The following KIF13A variants were observed in gnomAD, a reference collection of about 807,000 sequenced individuals.
The protein encoded by KIF13A is kinesin family member 13A, also known as kinesin-like protein KIF13A.
Under a neutral mutation model 212.2 loss-of-function variants are expected in KIF13A, and 79 were observed. That is an observed-to-expected ratio of 0.37 (90% CI 0.31 to 0.45). The LOEUF is 0.45. Ranked by LOEUF, KIF13A falls within the 20% of genes least tolerant of loss-of-function variation. KIF13A has a pLI of 1.00. For synonymous variants in KIF13A, 789 were observed against 808.6 expected (o/e 0.98, Z 0.41); for missense variants, 1,901 against 2,209.0 (o/e 0.86, Z 2.79).
At position 17,918,164 on chromosome 6, in the gene KIF13A, T is replaced by G. The variant is rs1010775453; in HGVS notation, c.147-19984A>C. Among the ~76,000 whole-genome samples the G allele has an allele frequency of 6.6e-6, 1 of 152,078 alleles. No homozygotes were observed. The highest frequency in any genetic ancestry group is 6.6e-5 in the Admixed American group (1 of 15,264). ...CCACACCAGGCACATGGTAAGCACC[T>G]GGCCTGGCTAGAGACACCCATCTCG... On this transcript the variant is annotated intron_variant, in intron 2 of 38. Coordinates refer to ENST00000259711, the MANE Select transcript of KIF13A (RefSeq NM_022113.6). The surrounding 1 kb of genome is among the most constrained non-coding windows in gnomAD (Gnocchi z 4.8).
intron 2 of KIF13A, chr6:17,950,573 A>G (rs1394132110): frequency 2.0e-6 from 2 of 985,098 alleles, no homozygotes; most frequent in Non-Finnish European, 2.4e-6. Context: ...AATGCCCCAC[A>G]GGATTTTAAC....
At chr6:17,932,003 T>C (rs758690713) in intron 2 of KIF13A, among the ~76,000 whole-genome samples, 6 of 152,126 alleles carry the variant, frequency 3.9e-5, no homozygotes, top group Non-Finnish European at 7.4e-5. Flanking sequence ...CAGCATCACC[T>C]GGAAACTCAC....
chr6:17,891,316 G>A (rs75982572), intron 3 of KIF13A, among the ~76,000 whole-genome samples: 8,389 of 152,066 alleles, frequency 0.055, 271 homozygotes, highest in Middle Eastern at 0.085. Context: ...CCAAAGATAT[G>A]GTACAAAGCA....
rs1581730736 is a variant in KIF13A, at chr6:17,919,010, G to A, written c.147-20830C>T. ...CAGTGCCTACAGGGTTGTCAGGCAC[G>A]AAATAGTCACTCAGTAAGTATCTCT... is the stretch of plus-strand genomic sequence containing the variant. On this transcript the variant is annotated intron_variant, in intron 2 of 38. Coordinates refer to ENST00000259711, the MANE Select transcript of KIF13A (RefSeq NM_022113.6). This position sits in a 1 kb window ranked among gnomAD's most constrained non-coding sequence, Gnocchi z 4.1. Among the ~76,000 whole-genome samples, 1 of 152,156 alleles carries A rather than the reference G, an allele frequency of 6.6e-6. No individual in the cohort carries two copies. The highest frequency in any genetic ancestry group is 2.1e-4 in the South Asian group (1 of 4,830).
At position 17,915,534 on chromosome 6, in the gene KIF13A, C is replaced by T. The variant is rs186826013; in HGVS notation, c.147-17354G>A. Among the ~76,000 whole-genome samples, 9 of 152,308 alleles carry T rather than the reference C, an allele frequency of 5.9e-5. No individual in the cohort carries two copies. Among genetic ancestry groups the T allele is most frequent in the Non-Finnish European group, 1.3e-4 (9 of 68,020 alleles). On this transcript the variant is annotated intron_variant, in intron 2 of 38. Transcript: ENST00000259711. This position sits in a 1 kb window ranked among gnomAD's most constrained non-coding sequence, Gnocchi z 4.4. The stretch of plus-strand genomic sequence containing the variant: ...ATGCCAGATGCTTGCAGTTTGACAG[C>T]GTGCAGGACCTGCCACCTTGAGGAC...
intron 20 of KIF13A, among the ~76,000 whole-genome samples, chr6:17,800,710 T>C (rs1399471106): frequency 2.6e-5 from 4 of 151,900 alleles, no homozygotes; most frequent in Non-Finnish European, 5.9e-5. Context: ...AAGCGGTTCT[T>C]CTGCCTCAGC....
At position 17,817,058 on chromosome 6, in the gene KIF13A, C is replaced by T. The variant is rs774461678; in HGVS notation, c.1962G>A (p.Gln654=). 2.5e-6 allele frequency: 4 copies of T among 1,613,364 alleles called. No homozygotes were observed. Among genetic ancestry groups the T allele is most frequent in the Non-Finnish European group, 3.4e-6 (4 of 1,179,838 alleles). The part of the protein sequence containing the change: ...SGPDRLAYSS[Q]TAQQKVTQWA... ...ACTGGGTCACCTTCTGCTGCGCTGT[C>T]TGGCTGCTGTAGGCCAGGCGGTCAG... The change falls in exon 17 of 39, where the codon CAG becomes CAA. Residue 654 remains glutamine (Q), a synonymous_variant. Coordinates refer to ENST00000259711, the MANE Select transcript of KIF13A (RefSeq NM_022113.6).
intron 9 of KIF13A, among the ~76,000 whole-genome samples, chr6:17,847,008 C>T (rs550009235): frequency 3.3e-5 from 5 of 152,310 alleles, no homozygotes; most frequent in East Asian, 1.9e-4. Flanking sequence ...ATGGGGATAA[C>T]GGACCCATGC....
At chr6:17,778,893 AT>A in intron 33 of KIF13A, 53 bp downstream of exon 33, 3 of 1,541,336 alleles carry the variant, frequency 1.9e-6, no homozygotes, top group Non-Finnish European at 2.6e-6. Context: ...ATATCTGTCC[AT>A]TGGGGGTGAA....
In KIF13A at chr6:17,837,013, G is replaced by A; in HGVS notation, c.1020C>T (p.Leu340=). ...CTCGGTCTGCATATCTTAATGTGGAGAGGGTCTCTTCATAGTTGTCTGCGG... is the reference window on the plus strand; with the variant it reads ...CTCGGTCTGCATATCTTAATGTGGAAAGGGTCTCTTCATAGTTGTCTGCGG... The part of the protein sequence containing the change: ...SPAADNYEET[L]STLRYADRAK... The change falls in exon 11 of 39, where the codon CTC becomes CTT. Residue 340 remains leucine, a synonymous_variant. Coordinates refer to ENST00000259711, the MANE Select transcript of KIF13A (RefSeq NM_022113.6). The surrounding 1 kb of genome is among the most constrained non-coding windows in gnomAD (Gnocchi z 5.4). 2 of 1,613,980 alleles carry A rather than the reference G, an allele frequency of 1.2e-6. No homozygotes were observed. The highest frequency in any genetic ancestry group is 1.7e-6 in the Non-Finnish European group (2 of 1,179,888).
In KIF13A at chr6:17,771,126, AC is replaced by A; in HGVS notation, c.4568del (p.Arg1523LeufsTer21). On this transcript the variant is annotated frameshift_variant, in exon 38 of 39. Transcript: ENST00000259711. LOFTEE classifies it low-confidence loss of function (END_TRUNC). This position sits in a 1 kb window ranked among gnomAD's most constrained non-coding sequence, Gnocchi z 5.4. Reference sequence around the variant, plus strand: ...TTCCGGAACTTACAATCTTCTTCTCACGTTTGCTATTGTGTTCTACTGGCAT... The same window carrying A: ...TTCCGGAACTTACAATCTTCTTCTCAGTTTGCTATTGTGTTCTACTGGCAT... ...SSMPVEHNSKREKKIDSEEEE... is the reference protein window; with the variant it reads ...SSMPVEHNSKXEKKIDSEEEE... The A allele has an allele frequency of 6.2e-7, 1 of 1,610,126 alleles. No individual in the cohort carries two copies. Among genetic ancestry groups the A allele is most frequent in the Admixed American group, 1.7e-5 (1 of 59,750 alleles).
At chr6:17,980,067 A>C (rs1239897674) in intron 2 of KIF13A, among the ~76,000 whole-genome samples, 2 of 152,178 alleles carry the variant, frequency 1.3e-5, no homozygotes, top group Non-Finnish European at 2.9e-5. Flanking sequence ...GAAAGACAGG[A>C]GTTTCCAGGT....
chr6:17,909,538 A>C (rs1391401369), intron 2 of KIF13A, among the ~76,000 whole-genome samples: 1 of 149,652 alleles, frequency 6.7e-6, no homozygotes, highest in African/African-American at 2.5e-5. Flanking sequence ...CTGTCTCAGA[A>C]AAAAAAAAAA....
chr6:17,821,681 T>C, intron 16 of KIF13A: 1 of 1,271,128 alleles, frequency 7.9e-7, no homozygotes. Context: ...TTCTTCCCAA[T>C]CATGTTAGTT....
rs546601137 is a variant in KIF13A, at chr6:17,851,909, T to C, written c.582+46A>G. The C allele has an allele frequency of 2.5e-5, 25 of 1,016,774 alleles. 1 individual carries two copies. In the South Asian group the frequency reaches 4.1e-4, roughly 17 times the overall value. 63.0% of individuals were successfully genotyped at this position (1,016,774 alleles called of 1,614,324 possible). The stretch of plus-strand genomic sequence containing the variant: ...TATACTCAGTATCACTTACATACTT[T>C]GATTTATAGTCAGCTTTTAATCACA... On this transcript the variant is annotated intron_variant, in intron 7 of 38. Transcript: ENST00000259711.
At position 17,809,757 on chromosome 6, in the gene KIF13A, T is replaced by C. The variant is rs1391049387; in HGVS notation, c.2001-827A>G. Reference sequence around the variant, plus strand: ...TTCTAAAGTCACTCCATCTAGCAATTGCTCTGTGTCATATATAACTTCTCT... The same window carrying C: ...TTCTAAAGTCACTCCATCTAGCAATCGCTCTGTGTCATATATAACTTCTCT... On this transcript the variant is annotated intron_variant, in intron 17 of 38. Coordinates refer to ENST00000259711, the MANE Select transcript of KIF13A (RefSeq NM_022113.6). This position sits in a 1 kb window ranked among gnomAD's most constrained non-coding sequence, Gnocchi z 4.7. Among the ~76,000 whole-genome samples, 1 of 152,186 alleles carries C rather than the reference T, an allele frequency of 6.6e-6. No individual in the cohort carries two copies. Among genetic ancestry groups the C allele is most frequent in the Non-Finnish European group, 1.5e-5 (1 of 68,032 alleles).
rs760020942 is a variant in KIF13A at position 17,764,449 on chromosome 6, C to A, written c.5079G>T (p.Leu1693=). The change falls in exon 39 of 39, where the codon CTG becomes CTT. Residue 1693 remains leucine (L), a synonymous_variant. Coordinates refer to ENST00000259711, the MANE Select transcript of KIF13A (RefSeq NM_022113.6). This position sits in a 1 kb window ranked among gnomAD's most constrained non-coding sequence, Gnocchi z 5.1. ...QSIPEKNSKS[L]CRTGSCSELD... ...GTTCTGAACATGAGCCAGTCCTGCA[C>A]AGTGATTTGGAGTTTTTCTCAGGGA... The A allele has an allele frequency of 1.2e-6, 2 of 1,613,896 alleles. No homozygotes were observed. The highest frequency in any genetic ancestry group is 3.3e-5 in the Admixed American group (2 of 59,994).
rs1485182820 is a variant in KIF13A at position 17,763,912 on chromosome 6, A to G, written c.*198T>C. On this transcript the variant is annotated 3_prime_UTR_variant, in exon 39 of 39. Coordinates refer to ENST00000259711, the MANE Select transcript of KIF13A (RefSeq NM_022113.6). ...CAACACCAACCCATGTGCCAGGTAA[A>G]AAAATCCACTGGTCTTATAATTTCA... The G allele has an allele frequency of 6.3e-6, 9 of 1,422,496 alleles. No homozygotes were observed. Among genetic ancestry groups the G allele is most frequent in the Non-Finnish European group, 8.2e-6 (9 of 1,093,058 alleles). The allele number at this position is 1,422,496 out of a possible 1,614,324, so 88.1% of individuals were successfully genotyped here.
intron 38 of KIF13A, among the ~76,000 whole-genome samples, chr6:17,766,078 CAGTT>C (rs1305377994): frequency 6.6e-6 from 1 of 152,172 alleles, no homozygotes; most frequent in East Asian, 1.9e-4. Flanking sequence ...ACCTCAAAAA[CAGTT>C]AGCTTTCTTT....
Sources: gnomAD v4.1 joint callset for allele counts (sites outside exome capture counted in the v4.1 genomes callset) on GRCh38, gnomAD v4.1.1 for gene constraint, Gnocchi (gnomAD v3.1) non-coding constraint, MANE v1.5 for transcripts, NCBI Gene and HGNC (gene_info 2026-07-23, HGNC 2026-07-21) for gene names.